Variants in TMEM132D observed in about 807,000 individuals in gnomAD.
TMEM132D encodes mature OL transmembrane protein.
In TMEM132D, 21 loss-of-function variants were observed where a neutral mutation model predicts 62.3. The observed-to-expected ratio is 0.34, with a 90% CI of 0.24 to 0.49. The LOEUF (loss-of-function observed/expected upper bound fraction) is 0.49. Among genes scored for constraint, TMEM132D ranks in the 20% least tolerant of loss-of-function variants. The pLI is 0.99. For synonymous variants in TMEM132D, 621 were observed against 575.6 expected (o/e 1.08, Z -1.13); for missense variants, 1,346 against 1,402.8 (o/e 0.96, Z 0.65).
At chr12:129,686,241 G>T (rs75144054) in intron 2 of TMEM132D, among the ~76,000 whole-genome samples, 3 of 152,150 alleles carry the variant, frequency 2.0e-5, no homozygotes, top group Admixed American at 2.0e-4. Flanking sequence ...ATCTTGAATT[G>T]TAGTTCCCAT....
At chr12:129,646,262 C>T (rs1278801894) in intron 2 of TMEM132D, among the ~76,000 whole-genome samples, 1 of 152,172 alleles carries the variant, frequency 6.6e-6, no homozygotes, top group African/African-American at 2.4e-5. Context: ...CTCTTTTATT[C>T]TCCACAACCA....
At chr12:129,424,661 T>C (rs533036760) in intron 3 of TMEM132D, among the ~76,000 whole-genome samples, 1 of 120,608 alleles carries the variant, frequency 8.3e-6, no homozygotes. Flanking sequence ...TGAGCTGAGA[T>C]CACGCCACTA....
chr12:129,463,588 AG>A (rs1299849480), intron 3 of TMEM132D, among the ~76,000 whole-genome samples: 25 of 151,944 alleles, frequency 1.6e-4, no homozygotes, highest in Non-Finnish European at 3.7e-4. Context: ...CTCGTCATTT[AG>A]CATTAGGTAT....
chr12:129,488,728 C>T (rs948857022), intron 3 of TMEM132D, among the ~76,000 whole-genome samples: 5 of 151,534 alleles, frequency 3.3e-5, no homozygotes, highest in Middle Eastern at 3.4e-3. Flanking sequence ...AGGAGTGTGG[C>T]GGGGGAAACT....
chr12:129,478,162 C>A (rs73429750), intron 3 of TMEM132D, among the ~76,000 whole-genome samples: 1 of 152,124 alleles, frequency 6.6e-6, no homozygotes. Context: ...TTAAAAGGTG[C>A]GCCTGTATAG....
At position 129,700,047 on chromosome 12, in the gene TMEM132D, G is replaced by T. The variant is rs368282993; in HGVS notation, c.731C>A (p.Ala244Glu). The change falls in exon 2 of 9, where the codon GCG (alanine) becomes GAG (glutamate). Residue 244 changes from alanine (A) to glutamate (E), a missense_variant. Physicochemically the swap from Ala to Glu is moderately radical, Grantham distance 107 (BLOSUM62 -1). Coordinates refer to ENST00000422113, the MANE Select transcript of TMEM132D (RefSeq NM_133448.3). Reference protein sequence around the residue: ...GERGDCVREDARRSNGIRTGH... With the variant: ...GERGDCVREDERRSNGIRTGH... ...TGTCCGGATCCCATTGCTTCTCCTC[G>T]CGTCTTCCCTGACGCAGTCCCCTCT... The T allele has an allele frequency of 1.2e-6, 2 of 1,613,690 alleles. No homozygotes were observed. Among genetic ancestry groups the T allele is most frequent in the Non-Finnish European group, 1.7e-6 (2 of 1,180,040 alleles).
intron 3 of TMEM132D, among the ~76,000 whole-genome samples, chr12:129,433,803 G>A (rs541493868): frequency 4.0e-4 from 61 of 152,314 alleles, no homozygotes; most frequent in African/African-American, 1.4e-3. Context: ...GGGACACACG[G>A]AGATGGAGTT....
chr12:129,777,273 G>A (rs1218279942), intron 1 of TMEM132D, among the ~76,000 whole-genome samples: 1 of 152,222 alleles, frequency 6.6e-6, no homozygotes, highest in Non-Finnish European at 1.5e-5. Flanking sequence ...TCAGAGGAAA[G>A]TTGGGGCTCA....
At chr12:129,736,765 A>T (rs1869438822) in intron 1 of TMEM132D, among the ~76,000 whole-genome samples, 2 of 151,836 alleles carry the variant, frequency 1.3e-5, no homozygotes, top group Non-Finnish European at 2.9e-5. Context: ...ATTCAGAGGA[A>T]CATTATTATA....
At chr12:129,895,208 A>G (rs1032877447) in intron 1 of TMEM132D, among the ~76,000 whole-genome samples, 3 of 152,180 alleles carry the variant, frequency 2.0e-5, no homozygotes, top group African/African-American at 7.2e-5. Flanking sequence ...TGTGTGGACA[A>G]CAGTGCTGGG....
chr12:129,644,879 G>C (rs112952820), intron 2 of TMEM132D, among the ~76,000 whole-genome samples: 2 of 149,316 alleles, frequency 1.3e-5, no homozygotes, highest in Non-Finnish European at 3.0e-5. Context: ...CCAGCTACTC[G>C]GGAGGCTGAG....
At chr12:129,845,805 T>C (rs1297128399) in intron 1 of TMEM132D, among the ~76,000 whole-genome samples, 3 of 152,198 alleles carry the variant, frequency 2.0e-5, no homozygotes, top group Admixed American at 6.5e-5. Context: ...GAAGCAGCAG[T>C]GAACAGCAGC....
chr12:129,525,360 C>T (rs938694606), intron 3 of TMEM132D, among the ~76,000 whole-genome samples: 10 of 146,784 alleles, frequency 6.8e-5, no homozygotes, highest in African/African-American at 1.8e-4. Flanking sequence ...AATGGAAATG[C>T]TTCTGACAGA....
chr12:129,183,104 T>C (rs1878113035), intron 5 of TMEM132D, among the ~76,000 whole-genome samples: 1 of 152,180 alleles, frequency 6.6e-6, no homozygotes, highest in African/African-American at 2.4e-5. Flanking sequence ...AACCTCTGGT[T>C]GCATTACGTG....
At chr12:129,617,781 G>T (rs1209957107) in intron 2 of TMEM132D, among the ~76,000 whole-genome samples, 7 of 152,076 alleles carry the variant, frequency 4.6e-5, no homozygotes, top group Admixed American at 2.0e-4. Flanking sequence ...TTTTCATAAG[G>T]GCACTAATCC....
At chr12:129,699,556 G>A (rs890834949) in intron 2 of TMEM132D, among the ~76,000 whole-genome samples, 3 of 152,102 alleles carry the variant, frequency 2.0e-5, no homozygotes, top group African/African-American at 7.3e-5. Flanking sequence ...GGGAAAAGGC[G>A]TACCATCAGC....
chr12:129,147,140 T>TTC (rs748131020), intron 5 of TMEM132D, among the ~76,000 whole-genome samples: 1 of 151,860 alleles, frequency 6.6e-6, no homozygotes, highest in East Asian at 1.9e-4. Flanking sequence ...TTTAAAATTA[T>TTC]TCTCTCTCTC....
At chr12:129,575,351 G>A (rs752717289) in intron 2 of TMEM132D, among the ~76,000 whole-genome samples, 15 of 151,802 alleles carry the variant, frequency 9.9e-5, no homozygotes, top group Non-Finnish European at 1.5e-4. Flanking sequence ...TGGCACCTGC[G>A]TTATTATGGC....
chr12:129,204,826 C>T (rs893547357), intron 5 of TMEM132D, among the ~76,000 whole-genome samples: 1 of 152,150 alleles, frequency 6.6e-6, no homozygotes, highest in East Asian at 1.9e-4. Flanking sequence ...AACAGTGGAC[C>T]TTTCAGCAGA....
Sources: allele counts gnomAD v4.1 joint callset (sites outside exome capture counted in the v4.1 genomes callset), GRCh38; gene constraint gnomAD v4.1.1; transcripts MANE v1.5; gene names NCBI Gene and HGNC (gene_info 2026-07-23, HGNC 2026-07-21).